The following SHISA6 variants were observed in gnomAD, a reference collection of about 807,000 sequenced individuals.
SHISA6 encodes the protein protein shisa-6.
A neutral mutation model predicts 47.9 loss-of-function variants in SHISA6; 22 were observed. The ratio of observed to expected loss-of-function variants is 0.46; its 90% confidence interval spans 0.33 to 0.66. The LOEUF (loss-of-function observed/expected upper bound fraction) is 0.66, where lower values mean the gene tolerates loss of function less well. SHISA6 is among the 30% of genes least tolerant of loss of function. The pLI is 0.02. For synonymous variants in SHISA6, 388 were observed against 337.8 expected, an observed-to-expected ratio of 1.15 and a Z score of -1.63; for missense variants, 680 against 764.6, an observed-to-expected ratio of 0.89 and a Z score of 1.30.
intron 2 of SHISA6, among the ~76,000 whole-genome samples, chr17:11,271,721 A>G (rs1273064464): frequency 6.6e-6 from 1 of 150,838 alleles, no homozygotes; most frequent in Non-Finnish European, 1.5e-5. Flanking sequence ...CAGCCTCCCA[A>G]AGTGCTGGGA....
At chr17:11,499,560 G>A (rs1294237021) in intron 3 of SHISA6, among the ~76,000 whole-genome samples, 2 of 152,140 alleles carry the variant, frequency 1.3e-5, no homozygotes, top group African/African-American at 4.8e-5. Context: ...AGTGTTAATG[G>A]ATACTAAGAC....
intron 3 of SHISA6, among the ~76,000 whole-genome samples, chr17:11,481,389 T>C (rs910638683): frequency 6.8e-6 from 1 of 147,178 alleles, no homozygotes; most frequent in Non-Finnish European, 1.5e-5. Context: ...TATATATATT[T>C]AGAAACATAA....
intron 3 of SHISA6, among the ~76,000 whole-genome samples, chr17:11,526,775 T>C (rs1005512202): frequency 6.6e-6 from 1 of 151,582 alleles, no homozygotes; most frequent in Non-Finnish European, 1.5e-5. Context: ...CTCTGATCCT[T>C]ACTAGCTTTT....
Position 11,241,313 on chromosome 17 carries a change from G to T in SHISA6, c.-110G>T. 4.5e-6 allele frequency: 3 copies of T among 670,370 alleles called. No individual in the cohort carries two copies. The highest frequency in any genetic ancestry group is 5.5e-6 in the Non-Finnish European group (3 of 542,644). 41.5% of individuals were successfully genotyped at this position (670,370 alleles called of 1,614,324 possible). On this transcript the variant is annotated 5_prime_UTR_variant, in exon 1 of 6. An upstream open reading frame in the 5' UTR loses its in-frame stop. Coordinates refer to ENST00000441885, the MANE Select transcript of SHISA6 (RefSeq NM_207386.4). This position sits in a 1 kb window ranked among gnomAD's most constrained non-coding sequence, Gnocchi z 5.5. The stretch of plus-strand genomic sequence containing the variant: ...ATGGCGCCATCGCCCCGGAGCCGCT[G>T]ACCGCTCAGCGCCTCCAGCCCGGCC...
chr17:11,383,929 A>G (rs979381953), intron 3 of SHISA6, among the ~76,000 whole-genome samples: 2 of 152,186 alleles, frequency 1.3e-5, no homozygotes, highest in African/African-American at 2.4e-5. Context: ...CAAGGCAAAG[A>G]GTCCTCCCAG....
intron 2 of SHISA6, among the ~76,000 whole-genome samples, chr17:11,369,923 A>G (rs1301872552): frequency 1.3e-5 from 2 of 152,218 alleles, no homozygotes; most frequent in Non-Finnish European, 2.9e-5. Context: ...TGCTAGGCAC[A>G]TTGAATGTGC....
chr17:11,537,963 T>C (rs931916157), intron 3 of SHISA6, among the ~76,000 whole-genome samples: 8 of 152,180 alleles, frequency 5.3e-5, no homozygotes, highest in African/African-American at 1.9e-4. Flanking sequence ...ATGACAGTGG[T>C]GACAAATTCT....
chr17:11,418,326 A>T (rs927169788), intron 3 of SHISA6, among the ~76,000 whole-genome samples: 6 of 152,096 alleles, frequency 3.9e-5, no homozygotes, highest in Admixed American at 6.5e-5. Flanking sequence ...TGGATATTTG[A>T]TCAGTATCCT....
chr17:11,311,839 G>A lies in SHISA6; in HGVS notation c.799+48313G>A, dbSNP rs140998203. ...TGCCCAGGCTGGAGTGCAGTGGGGC[G>A]ATCTTGGCTCACTGCAAACTCCGTC... On this transcript the variant is annotated intron_variant, in intron 2 of 5. Transcript: ENST00000441885. 5.9e-3 allele frequency among the ~76,000 whole-genome samples: 903 copies of A among 151,930 alleles called. 34 individuals carry two copies. Among genetic ancestry groups the A allele is most frequent in the Admixed American group, 0.049 (744 of 15,248 alleles).
chr17:11,361,134 A>T (rs1203143997), intron 2 of SHISA6, among the ~76,000 whole-genome samples: 1 of 151,728 alleles, frequency 6.6e-6, no homozygotes, highest in East Asian at 1.9e-4. Flanking sequence ...CATATCTAGT[A>T]CAAGTTCTCC....
Position 11,552,239 on chromosome 17 carries a change from A to C in SHISA6, c.952+287A>C, listed in dbSNP as rs554050231. On this transcript the variant is annotated intron_variant, in intron 4 of 5. Transcript: ENST00000441885. ...GCCACCTGTATCACTTCTTACAGTC[A>C]TAAATTCCATATGTCCACAGCAAGG... 1.1e-4 allele frequency among the ~76,000 whole-genome samples: 16 copies of C among 152,350 alleles called. No individual in the cohort carries two copies. The South Asian group carries it at 3.3e-3, about 32-fold the overall frequency.
chr17:11,526,888 T>TATATATAC (rs1326178628), intron 3 of SHISA6, among the ~76,000 whole-genome samples: 9 of 6,168 alleles, frequency 1.5e-3, no homozygotes, highest in African/African-American at 9.0e-3. Flanking sequence ...ATCATATATA[T>TATATATAC]ATATATATAT....
At chr17:11,375,100 T>C (rs895672459) in intron 2 of SHISA6, among the ~76,000 whole-genome samples, 1 of 152,188 alleles carries the variant, frequency 6.6e-6, no homozygotes, top group South Asian at 2.1e-4. Context: ...AAAATGGCAT[T>C]TCACCAGGGT....
intron 3 of SHISA6, chr17:11,380,259 G>A (rs1480317290): frequency 6.6e-6 from 1 of 152,130 alleles, no homozygotes; most frequent in African/African-American, 2.4e-5. Context: ...CTGTTGTAGG[G>A]GTAGTGTATC....
chr17:11,423,328 TAG>T (rs770385669), intron 3 of SHISA6, among the ~76,000 whole-genome samples: 6,239 of 21,890 alleles, frequency 0.29, 254 homozygotes, highest in African/African-American at 0.45. Flanking sequence ...AACATATATA[TAG>T]ATAGATAGAT....
At chr17:11,379,610 G>C in intron 3 of SHISA6, 101 bp downstream of exon 3, 1 of 762,744 alleles carries the variant, frequency 1.3e-6, no homozygotes, top group Non-Finnish European at 2.1e-6. Context: ...TCTGGGACAG[G>C]AATAAGTGGG....
intron 2 of SHISA6, among the ~76,000 whole-genome samples, chr17:11,322,668 C>G (rs1396881707): frequency 6.6e-6 from 1 of 152,174 alleles, no homozygotes; most frequent in East Asian, 1.9e-4. Context: ...TCATTCTCCT[C>G]TTAGGGGTAC....
At chr17:11,473,188 T>C (rs1457761812) in intron 3 of SHISA6, among the ~76,000 whole-genome samples, 2 of 152,232 alleles carry the variant, frequency 1.3e-5, no homozygotes, top group Admixed American at 1.3e-4. Flanking sequence ...GTCAATTATT[T>C]CTTTCATGAA....
intron 2 of SHISA6, chr17:11,288,483 G>T (rs1377420119): frequency 6.6e-6 from 1 of 151,738 alleles, no homozygotes; most frequent in South Asian, 2.1e-4. Context: ...GATATTAAAA[G>T]ATTAATTCTT....
Sources: allele counts gnomAD v4.1 joint callset (sites outside exome capture counted in the v4.1 genomes callset), GRCh38; gene constraint gnomAD v4.1.1; non-coding constraint Gnocchi (gnomAD v3.1); transcripts MANE v1.5; gene names NCBI Gene and HGNC (gene_info 2026-07-23, HGNC 2026-07-21).